The following AUH variants were observed in gnomAD, a reference collection of about 807,000 sequenced individuals.
The protein encoded by AUH is methylglutaconyl-CoA hydratase, mitochondrial.
Under a neutral mutation model 42.3 loss-of-function variants are expected in AUH, and 29 were observed. The ratio of observed to expected loss-of-function variants is 0.69; its 90% CI spans 0.51 to 0.93. The LOEUF (loss-of-function observed/expected upper bound fraction) is 0.93. Ranked by LOEUF, AUH falls within the 40% of genes least tolerant of loss-of-function variation. AUH has a pLI of 0.00. For missense variants in AUH, 452 were observed against 438.1 expected (o/e 1.03, Z -0.28); for synonymous variants, 174 against 166.4 (o/e 1.05, Z -0.35).
chr9:91,331,559 C>G (rs1830325030), intron 3 of AUH, among the ~76,000 whole-genome samples: 1 of 152,160 alleles, frequency 6.6e-6, no homozygotes, highest in Non-Finnish European at 1.5e-5. Flanking sequence ...ACTGCAAACT[C>G]TTTTCATTTA....
At chr9:91,291,197 T>TG (rs1826853549) in intron 6 of AUH, among the ~76,000 whole-genome samples, 1 of 152,184 alleles carries the variant, frequency 6.6e-6, no homozygotes. Flanking sequence ...AAGGACCCCT[T>TG]GTCTTTGGAT....
chr9:91,228,098 C>A (rs1248830804), intron 6 of AUH, among the ~76,000 whole-genome samples: 2 of 152,140 alleles, frequency 1.3e-5, no homozygotes, highest in Non-Finnish European at 2.9e-5. Context: ...CCCTCTTTTT[C>A]TATTGATTGG....
intron 6 of AUH, among the ~76,000 whole-genome samples, chr9:91,290,432 GAAAAGA>G (rs1207179822): frequency 1.3e-5 from 2 of 151,990 alleles, no homozygotes; most frequent in African/African-American, 4.8e-5. Context: ...AAAAAAGAAA[GAAAAGA>G]AAAAGACAAC....
intron 6 of AUH, among the ~76,000 whole-genome samples, chr9:91,250,729 A>C (rs1829079014): frequency 6.6e-6 from 1 of 152,236 alleles, no homozygotes; most frequent in Admixed American, 6.5e-5. Flanking sequence ...AAGCTCAGTA[A>C]ACAGAAACTT....
intron 3 of AUH, among the ~76,000 whole-genome samples, chr9:91,328,886 T>C (rs889767233): frequency 6.6e-6 from 1 of 152,140 alleles, no homozygotes; most frequent in Non-Finnish European, 1.5e-5. Context: ...TTAGAACACC[T>C]CCATTATCAC....
chr9:91,338,971 C>T (rs925442926), intron 3 of AUH, among the ~76,000 whole-genome samples: 1 of 152,120 alleles, frequency 6.6e-6, no homozygotes, highest in Non-Finnish European at 1.5e-5. Context: ...ATTAATATTT[C>T]ATATATCAAA....
At chr9:91,342,224 C>A (rs1185866469) in intron 3 of AUH, among the ~76,000 whole-genome samples, 3 of 152,182 alleles carry the variant, frequency 2.0e-5, no homozygotes, top group Non-Finnish European at 4.4e-5. Flanking sequence ...GTCCACATTC[C>A]TTGGCTCATG....
chr9:91,231,876 A>G (rs886923983), intron 6 of AUH, among the ~76,000 whole-genome samples: 1 of 152,212 alleles, frequency 6.6e-6, no homozygotes, highest in Non-Finnish European at 1.5e-5. Context: ...ATAGTACTAC[A>G]GAGTATGAGG....
chr9:91,245,965 A>G (rs1282662675), intron 6 of AUH, among the ~76,000 whole-genome samples: 1 of 152,208 alleles, frequency 6.6e-6, no homozygotes. Flanking sequence ...CCAGAGACCT[A>G]CTGTCCTAAA....
At chr9:91,260,634 T>C (rs994951152) in intron 6 of AUH, among the ~76,000 whole-genome samples, 1 of 152,208 alleles carries the variant, frequency 6.6e-6, no homozygotes, top group Non-Finnish European at 1.5e-5. Flanking sequence ...TAATTCATTA[T>C]GTACAATAGA....
intron 8 of AUH, 93 bp from the exon 9 acceptor site, chr9:91,216,199 A>C: frequency 3.3e-6 from 4 of 1,230,428 alleles, no homozygotes; most frequent in Non-Finnish European, 4.7e-6. Flanking sequence ...CTTATCCCCA[A>C]AGCACCCAAT....
chr9:91,240,277 AC>A (rs1828433301), intron 6 of AUH, among the ~76,000 whole-genome samples: 1 of 152,196 alleles, frequency 6.6e-6, no homozygotes, highest in African/African-American at 2.4e-5. Flanking sequence ...CACCAATAGC[AC>A]TGTGCACCCC....
intron 3 of AUH, among the ~76,000 whole-genome samples, chr9:91,334,296 C>T (rs1277773681): frequency 6.6e-6 from 1 of 152,168 alleles, no homozygotes; most frequent in Non-Finnish European, 1.5e-5. Context: ...CAGTAAGGGT[C>T]CTTCTGGATG....
intron 6 of AUH, among the ~76,000 whole-genome samples, chr9:91,249,034 C>T (rs1400965157): frequency 6.6e-6 from 1 of 152,004 alleles, no homozygotes; most frequent in Admixed American, 6.5e-5. Flanking sequence ...CGGTGGCTTA[C>T]ACCTGTAATG....
Position 91,294,737 on chromosome 9 carries a change from A to G in AUH, c.655+1284T>C, listed in dbSNP as rs182851231. 1.4e-3 allele frequency: 660 copies of G among 456,010 alleles called. 2 individuals are homozygous for G. The highest frequency in any genetic ancestry group is 2.0e-3 in the Non-Finnish European group (455 of 226,808). The allele number at this position is 456,010 out of a possible 1,614,324, so 28.2% of individuals were successfully genotyped here. ...ATCAATATTAACAGGAGTTTGGAAG[A>G]TGATGATTCCAATCTTCATGGATGA... On this transcript the variant is annotated intron_variant, in intron 6 of 9. Transcript: ENST00000375731.
chr9:91,290,317 C>T (rs572564647), intron 6 of AUH, among the ~76,000 whole-genome samples: 14 of 152,028 alleles, frequency 9.2e-5, no homozygotes, highest in Admixed American at 8.5e-4. Context: ...CTCCAGAGGC[C>T]GAGGTGGGAA....
intron 4 of AUH, among the ~76,000 whole-genome samples, chr9:91,313,689 G>A (rs1828895710): frequency 7.3e-6 from 1 of 137,554 alleles, no homozygotes; most frequent in South Asian, 2.3e-4. Context: ...TCCGGCCTGG[G>A]CGACAAAGCG....
intron 5 of AUH, among the ~76,000 whole-genome samples, chr9:91,297,153 G>T (rs1827408263): frequency 6.6e-6 from 1 of 152,192 alleles, no homozygotes; most frequent in African/African-American, 2.4e-5. Context: ...AGGTGTGTGG[G>T]CTGTGGCCAA....
intron 6 of AUH, among the ~76,000 whole-genome samples, chr9:91,249,802 G>T (rs534081778): frequency 6.7e-6 from 1 of 150,246 alleles, no homozygotes; most frequent in Non-Finnish European, 1.5e-5. Flanking sequence ...ACAAGGTCAA[G>T]AGATCAAGAC....
Sources: allele counts gnomAD v4.1 joint callset (sites outside exome capture counted in the v4.1 genomes callset), GRCh38; gene constraint gnomAD v4.1.1; transcripts MANE v1.5; gene names NCBI Gene and HGNC (gene_info 2026-07-23, HGNC 2026-07-21).